CACNA1I: variants seen among roughly 807,000 people sequenced by gnomAD.
The protein encoded by CACNA1I is voltage-dependent T-type calcium channel subunit alpha-1I.
CACNA1I carries 74 observed loss-of-function variants against 201.6 expected under a neutral mutation model. The ratio of observed to expected loss-of-function variants is 0.37; its 90% CI spans 0.30 to 0.45. The LOEUF is 0.45. Ranked by LOEUF, CACNA1I falls within the 20% of genes least tolerant of loss-of-function variation. The probability of loss-of-function intolerance (pLI) is 1.00; values close to 1 mark genes in which losing one functional copy is unlikely to be tolerated. For synonymous variants in CACNA1I, 1,431 were observed against 1,345.2 expected, an observed-to-expected ratio of 1.06 and a Z score of -1.40; for missense variants, 2,346 against 3,138.1, an observed-to-expected ratio of 0.75 and a Z score of 6.03.
Position 39,598,288 on chromosome 22 carries a change from C to CACCCT in CACNA1I, c.348+26_348+27insACCCT, listed in dbSNP as rs1555902392. ...GTGAGCCGGCCGCCCCGCCCCGCCC[C>CACCCT]GCCCTGCCCTCATCCTCCAGGACCC... is the stretch of plus-strand genomic sequence containing the variant. On this transcript the variant is annotated intron_variant, in intron 2 of 36. Transcript: ENST00000402142. 3 of 1,216,010 alleles carry CACCCT rather than the reference C, an allele frequency of 2.5e-6. No individual in the cohort carries two copies. In the African/African-American group the frequency reaches 5.3e-5, roughly 21 times the overall value. 75.3% of individuals were successfully genotyped at this position (1,216,010 alleles called of 1,614,324 possible). A position where few individuals can be genotyped will look rare whatever the true frequency, so the allele number is the denominator to read the frequency against.
At chr22:39,572,835 C>A (rs1932230658) in intron 1 of CACNA1I, among the ~76,000 whole-genome samples, 2 of 152,074 alleles carry the variant, frequency 1.3e-5, no homozygotes, top group Non-Finnish European at 2.9e-5. Context: ...CGGCTCACTG[C>A]AACCTCCGCC....
Position 39,619,359 on chromosome 22 carries a change from C to G in CACNA1I, c.532C>G (p.Arg178Gly). 1 of 1,609,862 alleles carries G rather than the reference C, an allele frequency of 6.2e-7. No individual in the cohort carries two copies. The highest frequency in any genetic ancestry group is 8.5e-7 in the Non-Finnish European group (1 of 1,179,800). ...DLQNINLSAI[R>G]TVRVLRPLKA... Reference sequence around the variant, plus strand: ...TCAGAACATCAACCTGTCAGCCATCCGCACCGTGCGCGTCCTGAGGCCCCT... The same window carrying G: ...TCAGAACATCAACCTGTCAGCCATCGGCACCGTGCGCGTCCTGAGGCCCCT... The change falls in exon 4 of 37, where the codon CGC (arginine) becomes GGC (glycine). Residue 178 changes from arginine (R) to glycine (G), a missense_variant. Transcript: ENST00000402142.
Position 39,684,634 on chromosome 22 carries a change from G to A in CACNA1I, c.6027+136G>A. The stretch of plus-strand genomic sequence containing the variant: ...AGGGCACCACCGTGCAAGGGGGTTT[G>A]GGAACGCTGGGGTGACGCTGAGACT... On this transcript the variant is annotated intron_variant, in intron 36 of 36. Coordinates refer to ENST00000402142, the MANE Select transcript of CACNA1I (RefSeq NM_021096.4). This position sits in a 1 kb window ranked among gnomAD's most constrained non-coding sequence, Gnocchi z 4.6. 1.1e-6 allele frequency: 1 copy of A among 878,324 alleles called. No homozygotes were observed. The highest frequency in any genetic ancestry group is 1.8e-6 in the Non-Finnish European group (1 of 562,276). 54.4% of individuals were successfully genotyped at this position (878,324 alleles called of 1,614,324 possible). A position where few individuals can be genotyped will look rare whatever the true frequency, so the allele number is the denominator to read the frequency against.
rs1194563816 is a variant in CACNA1I, at chr22:39,686,181, G to T, written c.6448G>T (p.Ala2150Ser). ...GCCGCCAGCCCCCGGCCTCACGCCC[G>T]CCAGGAAGTTCAGCAGCACCAGCAG... Reference protein sequence around the residue: ...PPPPAPGLTPARKFSSTSSLA... With the variant: ...PPPPAPGLTPSRKFSSTSSLA... The change falls in exon 37 of 37, where the codon GCC becomes TCC. Residue 2150 changes from alanine (A) to serine (S), a missense_variant. By Grantham distance (99) the Ala-to-Ser change is moderately conservative. Transcript: ENST00000402142. 3 of 1,273,348 alleles carry T rather than the reference G, an allele frequency of 2.4e-6. No homozygotes were observed. Among genetic ancestry groups the T allele is most frequent in the South Asian group, 2.5e-5 (1 of 39,748 alleles). The allele number at this position is 1,273,348 out of a possible 1,614,324, so 78.9% of individuals were successfully genotyped here.
chr22:39,685,616 G>C lies in CACNA1I; in HGVS notation c.6028-145G>C. The C allele has an allele frequency of 4.5e-6, 3 of 660,310 alleles. No individual in the cohort carries two copies. In the South Asian group the frequency reaches 7.3e-5, roughly 16 times the overall value. The allele number at this position is 660,310 out of a possible 1,614,324, so 40.9% of individuals were successfully genotyped here. On this transcript the variant is annotated intron_variant, in intron 36 of 36. Transcript: ENST00000402142. This position sits in a 1 kb window ranked among gnomAD's most constrained non-coding sequence, Gnocchi z 5.0. ...CCCTGCGGTGACGCCGCCTAAGCTG[G>C]ACGTGCGGAGGGGAGAAGCCCTGCT...
intron 1 of CACNA1I, among the ~76,000 whole-genome samples, chr22:39,585,727 GTTTTTTTTTTT>G (rs34320968): frequency 4.8e-5 from 4 of 83,940 alleles, no homozygotes; most frequent in Non-Finnish European, 6.1e-5. Context: ...AACTTTTAAA[GTTTTTTTTTTT>G]TTTTTTTTTG....
chr22:39,585,322 C>G (rs1410608456), intron 1 of CACNA1I, among the ~76,000 whole-genome samples: 1 of 151,864 alleles, frequency 6.6e-6, no homozygotes, highest in Admixed American at 6.6e-5. Flanking sequence ...CTTGGCCTCC[C>G]AAAGTGCTGG....
chr22:39,661,208 C>G lies in CACNA1I; in HGVS notation c.2799C>G (p.Ala933=). 3.1e-6 allele frequency: 5 copies of G among 1,612,278 alleles called. No individual in the cohort carries two copies. The highest frequency in any genetic ancestry group is 4.2e-6 in the Non-Finnish European group (5 of 1,179,354). Residue 933 remains alanine (A), a synonymous_variant, in exon 16 of 37, where the codon GCC becomes GCG. Transcript: ENST00000402142. ...HLGPAGAAGP[A]PRLSLQPDPM... ...GTCCTGCTGGGGCTGCGGGACCTGC[C>G]CCCCGACTCTCACTGCAGCCGGACC...
intron 1 of CACNA1I, among the ~76,000 whole-genome samples, chr22:39,575,060 G>A (rs569533114): frequency 3.9e-5 from 6 of 152,372 alleles, no homozygotes; most frequent in South Asian, 2.1e-4. Flanking sequence ...AGGGCCACTC[G>A]CCCATATGTC....
At chr22:39,577,899 C>T (rs1202777005) in intron 1 of CACNA1I, among the ~76,000 whole-genome samples, 2 of 152,338 alleles carry the variant, frequency 1.3e-5, no homozygotes, top group East Asian at 3.9e-4. Flanking sequence ...CCTTGCTGAG[C>T]GTCTGTTTGC....
chr22:39,619,463 C>T, intron 4 of CACNA1I, 56 bp downstream of exon 4: 1 of 1,348,756 alleles, frequency 7.4e-7, no homozygotes, highest in Middle Eastern at 1.8e-4. Context: ...CTGGCCAACC[C>T]ATCCCTGGCC....
At chr22:39,632,082 T>C (rs1601479404) in intron 4 of CACNA1I, among the ~76,000 whole-genome samples, 1 of 152,108 alleles carries the variant, frequency 6.6e-6, no homozygotes, top group Non-Finnish European at 1.5e-5. Flanking sequence ...AGGAGCCTTT[T>C]GGAATTTCAA....
In CACNA1I at chr22:39,665,457, G is replaced by A. The variant is rs764171919; in HGVS notation, c.3852-41G>A. ...CTGAGTAGGGGCTGCCTCCTGGCCTGGCCAAGGGATTATGTGTGCCTGGCC... is the reference window on the plus strand; with the variant it reads ...CTGAGTAGGGGCTGCCTCCTGGCCTAGCCAAGGGATTATGTGTGCCTGGCC... On this transcript the variant is annotated intron_variant, in intron 21 of 36. Transcript: ENST00000402142. The surrounding 1 kb of genome is among the most constrained non-coding windows in gnomAD (Gnocchi z 5.5). 6.2e-7 allele frequency: 1 copy of A among 1,610,378 alleles called. No homozygotes were observed. The highest frequency in any genetic ancestry group is 2.2e-5 in the East Asian group (1 of 44,820).
chr22:39,586,163 C>T (rs1373737270), intron 1 of CACNA1I, among the ~76,000 whole-genome samples: 1 of 151,334 alleles, frequency 6.6e-6, no homozygotes, highest in Non-Finnish European at 1.5e-5. Flanking sequence ...GGCGACAGAG[C>T]AAGACTCCAT....
At chr22:39,605,144 C>A (rs1933181357) in intron 3 of CACNA1I, among the ~76,000 whole-genome samples, 2 of 147,298 alleles carry the variant, frequency 1.4e-5, no homozygotes, top group African/African-American at 5.0e-5. Context: ...GTTCTGTTCC[C>A]CGAGTAACCG....
At chr22:39,604,513 G>A (rs898493612) in intron 3 of CACNA1I, among the ~76,000 whole-genome samples, 1 of 152,164 alleles carries the variant, frequency 6.6e-6, no homozygotes, top group African/African-American at 2.4e-5. Context: ...ATGAACAAGG[G>A]GCCCTGCATC....
chr22:39,679,652 C>G, intron 32 of CACNA1I, 70 bp from the exon 33 acceptor site: 1 of 1,431,576 alleles, frequency 7.0e-7, no homozygotes. Context: ...CAGCTGTGTC[C>G]TGCCCACCCC....
At chr22:39,599,606 G>A (rs1448576150) in intron 2 of CACNA1I, among the ~76,000 whole-genome samples, 2 of 98,726 alleles carry the variant, frequency 2.0e-5, no homozygotes, top group Non-Finnish European at 3.7e-5. Flanking sequence ...GCGACAGAGC[G>A]AGACTCCGTC....
chr22:39,677,155 G>A lies in CACNA1I; in HGVS notation c.4855-186G>A, dbSNP rs981190986. 6.6e-6 allele frequency among the ~76,000 whole-genome samples: 1 copy of A among 152,204 alleles called. No individual in the cohort carries two copies. The highest frequency in any genetic ancestry group is 1.5e-5 in the Non-Finnish European group (1 of 68,034). ...GTTTTCTTGTTATTCTGAGCCCTGT[G>A]CTGGACCCAGCCTGCCCTCCAGGTC... On this transcript the variant is annotated intron_variant, in intron 29 of 36. Transcript: ENST00000402142. This position sits in a 1 kb window ranked among gnomAD's most constrained non-coding sequence, Gnocchi z 4.8.
Sources: gnomAD v4.1 joint callset for allele counts (sites outside exome capture counted in the v4.1 genomes callset) on GRCh38, gnomAD v4.1.1 for gene constraint, Gnocchi (gnomAD v3.1) non-coding constraint, MANE v1.5 for transcripts, NCBI Gene and HGNC (gene_info 2026-07-23, HGNC 2026-07-21) for gene names.